CPAMD8: variants seen among roughly 807,000 people sequenced by gnomAD.
CPAMD8 encodes C3 and PZP-like alpha-2-macroglobulin domain-containing protein 8.
In CPAMD8, 146 loss-of-function variants were observed where a neutral mutation model predicts 224.7. That is an observed-to-expected ratio of 0.65 (90% CI 0.57 to 0.75). The LOEUF (loss-of-function observed/expected upper bound fraction) is 0.75. Ranked by LOEUF, CPAMD8 falls within the 30% of genes least tolerant of loss-of-function variation. The pLI is 0.00. For synonymous variants in CPAMD8, 966 were observed against 1,044.6 expected, an observed-to-expected ratio of 0.92 and a Z score of 1.45; for missense variants, 2,301 against 2,537.5, an observed-to-expected ratio of 0.91 and a Z score of 2.00.
In CPAMD8 at chr19:16,907,010, G is replaced by A; in HGVS notation, c.3969C>T (p.Leu1323=). Residue 1323 remains leucine, a synonymous_variant, in exon 30 of 42, where the codon CTC becomes CTT. Coordinates refer to ENST00000443236, the MANE Select transcript of CPAMD8 (RefSeq NM_015692.5). ...CALTTYALTL[L]RSPAAPEALR... is the part of the protein sequence containing the mutation. ...GTGCCTCAGGGGCTGCCGGGCTGCG[G>A]AGCAGGGTCAGCGCGTAGGTAGTCA... The A allele has an allele frequency of 1.2e-6, 2 of 1,605,920 alleles. No homozygotes were observed. The highest frequency in any genetic ancestry group is 1.7e-6 in the Non-Finnish European group (2 of 1,177,628).
intron 22 of CPAMD8, among the ~76,000 whole-genome samples, chr19:16,943,782 A>C (rs1035314407): frequency 6.6e-6 from 1 of 152,112 alleles, no homozygotes; most frequent in Non-Finnish European, 1.5e-5. Flanking sequence ...ATACCATGAG[A>C]GGCTTTCCAC....
intron 1 of CPAMD8, among the ~76,000 whole-genome samples, chr19:17,024,581 C>T (rs923487186): frequency 2.0e-5 from 3 of 152,178 alleles, no homozygotes; most frequent in African/African-American, 7.2e-5. Context: ...TGCTTGGTCA[C>T]CTTTGAAACT....
chr19:17,006,789 T>C (rs2056503880), intron 7 of CPAMD8, among the ~76,000 whole-genome samples: 1 of 152,178 alleles, frequency 6.6e-6, no homozygotes, highest in Non-Finnish European at 1.5e-5. Flanking sequence ...CCTTCCAGGA[T>C]TGCCTCTGCC....
chr19:16,936,313 T>C (rs11881090), intron 23 of CPAMD8, among the ~76,000 whole-genome samples: 3,941 of 152,314 alleles, frequency 0.026, 168 homozygotes, highest in African/African-American at 0.091. Flanking sequence ...TGATAAATGA[T>C]GTTGAGCATC....
At chr19:17,014,418 ATAAAAGCTCCTTTCATGCT>A (rs2056757075) in intron 3 of CPAMD8, among the ~76,000 whole-genome samples, 1 of 152,100 alleles carries the variant, frequency 6.6e-6, no homozygotes, top group Admixed American at 6.6e-5. Flanking sequence ...GTCATGCACT[ATAAAAGCTCCTTTCATGCT>A]TAAAACAAAC....
rs779010199 is a variant in CPAMD8, at chr19:16,893,270, C to G, written c.5496G>C (p.Pro1832=). The change falls in exon 42 of 42, where the codon CCG becomes CCC. Residue 1832 remains proline (P), a synonymous_variant. Coordinates refer to ENST00000443236, the MANE Select transcript of CPAMD8 (RefSeq NM_015692.5). ...NLESSTQSAS[P]FHRWGQTPAP... is the part of the protein sequence containing the mutation. ...CCGGAGTCTGGCCCCATCTGTGGAA[C>G]GGGCTGGCGCTCTGGGTGCTGCTTT... The G allele has an allele frequency of 6.4e-7, 1 of 1,565,040 alleles. No homozygotes were observed. The highest frequency in any genetic ancestry group is 8.7e-7 in the Non-Finnish European group (1 of 1,154,348).
rs980165677 is a variant in CPAMD8 at position 16,896,723 on chromosome 19, C to T, written c.5066-58G>A. 2.4e-6 allele frequency: 3 copies of T among 1,236,700 alleles called. No homozygotes were observed. In the African/African-American group the frequency reaches 4.7e-5, roughly 20 times the overall value. 76.6% of individuals were successfully genotyped at this position (1,236,700 alleles called of 1,614,324 possible). ...ACCCTGAACCTTGCCCGCGCCCCCA[C>T]AGAACCTGGGGGTGGGGAAGATGTC... On this transcript the variant is annotated intron_variant, in intron 39 of 41. Coordinates refer to ENST00000443236, the MANE Select transcript of CPAMD8 (RefSeq NM_015692.5).
At chr19:17,011,086 C>T (rs968989815) in intron 5 of CPAMD8, among the ~76,000 whole-genome samples, 4 of 151,854 alleles carry the variant, frequency 2.6e-5, no homozygotes, top group Non-Finnish European at 4.4e-5. Flanking sequence ...CCCGGCTACT[C>T]GGGAGGCTAA....
At chr19:17,025,727 A>T (rs1467459057) in intron 1 of CPAMD8, among the ~76,000 whole-genome samples, 2 of 152,222 alleles carry the variant, frequency 1.3e-5, no homozygotes, top group Non-Finnish European at 2.9e-5. Flanking sequence ...TGAAAGAAGC[A>T]TTAGGATGAA....
intron 7 of CPAMD8, among the ~76,000 whole-genome samples, chr19:17,004,805 A>G (rs1348888007): frequency 6.6e-6 from 1 of 151,938 alleles, no homozygotes; most frequent in Non-Finnish European, 1.5e-5. Flanking sequence ...GAGCTGTAGG[A>G]TGCTGAGCAG....
intron 29 of CPAMD8, among the ~76,000 whole-genome samples, chr19:16,911,932 G>A (rs2052744371): frequency 6.6e-6 from 1 of 152,086 alleles, no homozygotes; most frequent in Admixed American, 6.6e-5. Context: ...GCCTGCCTTG[G>A]CCTCCCAAAG....
intron 22 of CPAMD8, among the ~76,000 whole-genome samples, chr19:16,939,760 A>T: frequency 6.6e-6 from 1 of 151,980 alleles, no homozygotes; most frequent in Non-Finnish European, 1.5e-5. Flanking sequence ...TGGGACATTG[A>T]TCTTCTCCTG....
In CPAMD8 at chr19:16,952,114, GAGGTGGAC is replaced by G; in HGVS notation, c.2355_2362del (p.Thr787GlyfsTer47). On this transcript the variant is annotated frameshift_variant, in exon 20 of 42. Transcript: ENST00000443236. LOFTEE classifies it high-confidence loss of function. ...GGGCTCGGCGATGCCTAAGCCCTGA[GAGGTGGAC>G]AGGGCCACGGCCTCACCCACCCAGC... The G allele has an allele frequency of 6.4e-7, 1 of 1,553,398 alleles. No homozygotes were observed. The highest frequency in any genetic ancestry group is 1.2e-5 in the South Asian group (1 of 84,298).
chr19:17,005,199 C>T (rs1254197156), intron 7 of CPAMD8, among the ~76,000 whole-genome samples: 2 of 151,898 alleles, frequency 1.3e-5, no homozygotes, highest in Admixed American at 6.6e-5. Flanking sequence ...TTGCCAATAT[C>T]GCCCCTAGGG....
intron 26 of CPAMD8, 85 bp downstream of exon 26, chr19:16,925,111 G>C: frequency 2.1e-6 from 3 of 1,431,646 alleles, no homozygotes; most frequent in Non-Finnish European, 2.9e-6. Context: ...TGGTGTGTGG[G>C]CCACCTCCAG....
intron 18 of CPAMD8, 141 bp from the exon 19 acceptor site, chr19:16,958,056 G>A (rs1300577747): frequency 2.8e-6 from 2 of 705,384 alleles, no homozygotes; most frequent in Admixed American, 2.6e-5. Context: ...TACTTCACTG[G>A]GATATAACAT....
In CPAMD8 at chr19:16,982,393, A is replaced by G. The variant is rs144415796; in HGVS notation, c.1396-1707T>C. Among the ~76,000 whole-genome samples, 178 of 152,208 alleles carry G rather than the reference A, an allele frequency of 1.2e-3. 1 individual carries two copies. The highest frequency in any genetic ancestry group is 4.1e-3 in the African/African-American group (172 of 41,530). ...GGCAACAGAGTGAGACCCTGTCTCA[A>G]TCAATCAATCAATATTTTTTAATTA... On this transcript the variant is annotated intron_variant, in intron 13 of 41. Coordinates refer to ENST00000443236, the MANE Select transcript of CPAMD8 (RefSeq NM_015692.5).
chr19:17,019,931 C>T (rs28524540), intron 3 of CPAMD8, among the ~76,000 whole-genome samples: 14,306 of 142,886 alleles, frequency 0.1, 871 homozygotes, highest in African/African-American at 0.18. Flanking sequence ...TGCAATTTCT[C>T]TTATTCCATC....
intron 22 of CPAMD8, among the ~76,000 whole-genome samples, chr19:16,941,773 G>A (rs892664052): frequency 6.6e-6 from 1 of 151,946 alleles, no homozygotes; most frequent in Non-Finnish European, 1.5e-5. Context: ...AAGAGATTGA[G>A]ACCAGCCTGG....
Sources: gnomAD v4.1 joint callset for allele counts (sites outside exome capture counted in the v4.1 genomes callset) on GRCh38, gnomAD v4.1.1 for gene constraint, MANE v1.5 for transcripts, NCBI Gene and HGNC (gene_info 2026-07-23, HGNC 2026-07-21) for gene names.